The following MYO5B variants were observed in gnomAD, a reference collection of about 807,000 sequenced individuals.
MYO5B encodes myosin VB.
In MYO5B, 143 loss-of-function variants were observed where a neutral mutation model predicts 229.3. That is an observed-to-expected ratio of 0.62 (90% confidence interval 0.54 to 0.72). The LOEUF is 0.72. MYO5B is among the 30% of genes least tolerant of loss of function. The pLI is 0.00. For synonymous variants in MYO5B, 918 were observed against 885.2 expected, an observed-to-expected ratio of 1.04 and a Z score of -0.66; for missense variants, 2,321 against 2,331.0, an observed-to-expected ratio of 1.00 and a Z score of 0.09.
chr18:49,898,580 A>G (rs143306217), intron 21 of MYO5B, among the ~76,000 whole-genome samples: 2 of 152,340 alleles, frequency 1.3e-5, no homozygotes, highest in Middle Eastern at 3.4e-3. Flanking sequence ...AGCATTGTAT[A>G]TATCACCGTA....
chr18:50,193,609 G>C (rs190156403), intron 1 of MYO5B, among the ~76,000 whole-genome samples: 1 of 152,194 alleles, frequency 6.6e-6, no homozygotes, highest in Non-Finnish European at 1.5e-5. Flanking sequence ...CGGGTGTCCC[G>C]GGAATCGCAT....
intron 14 of MYO5B, chr18:49,946,118 A>T (rs755543425): frequency 0.011 from 8 of 746 alleles, no homozygotes; most frequent in Admixed American, 0.013. Flanking sequence ...CTTTTACTGT[A>T]AAAAAAAAAA....
chr18:50,092,713 C>T (rs2031473212), intron 1 of MYO5B, among the ~76,000 whole-genome samples: 1 of 152,152 alleles, frequency 6.6e-6, no homozygotes, highest in South Asian at 2.1e-4. Flanking sequence ...ATGCCAGTAA[C>T]ATACTAGTGC....
intron 39 of MYO5B, among the ~76,000 whole-genome samples, chr18:49,834,107 G>A (rs2023957463): frequency 6.6e-6 from 1 of 151,842 alleles, no homozygotes; most frequent in Admixed American, 6.6e-5. Flanking sequence ...CCCCTTTTTA[G>A]CTCTTTTCAG....
At chr18:49,936,208 C>T (rs769477758) in intron 16 of MYO5B, 44 bp downstream of exon 16, 1 of 1,512,432 alleles carries the variant, frequency 6.6e-7, no homozygotes, top group South Asian at 1.2e-5. Flanking sequence ...CCACCTGAAC[C>T]TCTAAGGCTG....
chr18:49,929,629 A>C lies in MYO5B; in HGVS notation c.2004-31T>G, dbSNP rs534266803. ...AAAGGAGAAAAAAAAAAAAAAAAGC[A>C]AGACAAGAGATGAGTGGCCACATTT... is the stretch of plus-strand genomic sequence containing the variant. On this transcript the variant is annotated intron_variant, in intron 16 of 39. Coordinates refer to ENST00000285039, the MANE Select transcript of MYO5B (RefSeq NM_001080467.3). 2.6e-6 allele frequency: 4 copies of C among 1,530,192 alleles called. No individual in the cohort carries two copies. In the South Asian group the frequency reaches 3.5e-5, roughly 13 times the overall value. The allele number at this position is 1,530,192 out of a possible 1,614,324, so 94.8% of individuals were successfully genotyped here. A position where few individuals can be genotyped will look rare whatever the true frequency, so the allele number is the denominator to read the frequency against.
intron 4 of MYO5B, among the ~76,000 whole-genome samples, chr18:50,010,913 C>G (rs571195889): frequency 6.6e-6 from 1 of 152,314 alleles, no homozygotes; most frequent in African/African-American, 2.4e-5. Flanking sequence ...CAGCCAGGTG[C>G]ATGTGAGTCC....
At chr18:50,086,792 G>A (rs529753226) in intron 1 of MYO5B, among the ~76,000 whole-genome samples, 4 of 152,126 alleles carry the variant, frequency 2.6e-5, no homozygotes, top group Non-Finnish European at 5.9e-5. Context: ...GCTTACAGGC[G>A]GAGGGTGATG....
At chr18:50,166,793 A>G (rs546735384) in intron 1 of MYO5B, among the ~76,000 whole-genome samples, 1 of 152,310 alleles carries the variant, frequency 6.6e-6, no homozygotes, top group Admixed American at 6.5e-5. Flanking sequence ...ACAATGCATG[A>G]TTGAGAAGAA....
intron 8 of MYO5B, among the ~76,000 whole-genome samples, chr18:49,983,900 C>A (rs1273934946): frequency 6.6e-6 from 1 of 152,148 alleles, no homozygotes; most frequent in Non-Finnish European, 1.5e-5. Context: ...CTACAACTTC[C>A]CTGACCTCCA....
intron 2 of MYO5B, among the ~76,000 whole-genome samples, chr18:50,044,612 G>A (rs1431734036): frequency 1.3e-5 from 2 of 152,252 alleles, no homozygotes; most frequent in South Asian, 4.1e-4. Context: ...GCCTAGAGTA[G>A]GAACTGGTCT....
intron 25 of MYO5B, 128 bp from the exon 26 acceptor site, chr18:49,875,955 T>G: frequency 9.0e-7 from 1 of 1,112,042 alleles, no homozygotes; most frequent in Non-Finnish European, 1.3e-6. Context: ...TCAATTTGCA[T>G]CTCAAATACA....
chr18:50,122,612 G>A (rs1208622835), intron 1 of MYO5B, among the ~76,000 whole-genome samples: 2 of 24,478 alleles, frequency 8.2e-5, no homozygotes, highest in East Asian at 1.3e-3. Context: ...GAGAGAAAGA[G>A]AGGGAGGGAG....
At chr18:50,186,190 G>A (rs770076888) in intron 1 of MYO5B, among the ~76,000 whole-genome samples, 28 of 152,202 alleles carry the variant, frequency 1.8e-4, no homozygotes, top group Non-Finnish European at 2.2e-4. Context: ...CTCATCCCAA[G>A]CTGGGCCAGC....
At chr18:49,882,001 T>G (rs1379534162) in intron 22 of MYO5B, among the ~76,000 whole-genome samples, 1 of 152,146 alleles carries the variant, frequency 6.6e-6, no homozygotes, top group East Asian at 1.9e-4. Context: ...GATTCACCTT[T>G]GCGCTTGGAT....
intron 29 of MYO5B, among the ~76,000 whole-genome samples, chr18:49,860,236 C>T (rs1006743026): frequency 2.6e-5 from 4 of 152,182 alleles, no homozygotes; most frequent in African/African-American, 9.7e-5. Context: ...ACTCCTGCCC[C>T]TACCTAACTC....
At chr18:50,018,412 T>C (rs2026239737) in intron 4 of MYO5B, among the ~76,000 whole-genome samples, 1 of 152,188 alleles carries the variant, frequency 6.6e-6, no homozygotes, top group Non-Finnish European at 1.5e-5. Flanking sequence ...ACTTCTTCAA[T>C]TGTTCATTCC....
chr18:50,164,865 C>T (rs1041254876), intron 1 of MYO5B, among the ~76,000 whole-genome samples: 3 of 152,154 alleles, frequency 2.0e-5, no homozygotes, highest in Non-Finnish European at 4.4e-5. Flanking sequence ...TAGAAAATGT[C>T]CCTTCTTGGA....
intron 1 of MYO5B, chr18:50,097,579 TAA>T (rs1244457295): frequency 4.3e-6 from 1 of 234,808 alleles, no homozygotes; most frequent in South Asian, 5.4e-5. Context: ...TCTGGTCTGT[TAA>T]AAATCATCAC....
Sources: allele counts gnomAD v4.1 joint callset (sites outside exome capture counted in the v4.1 genomes callset), GRCh38; gene constraint gnomAD v4.1.1; transcripts MANE v1.5; gene names NCBI Gene and HGNC (gene_info 2026-07-23, HGNC 2026-07-21).